Variants in ATG10 observed in about 807,000 individuals in gnomAD.
ATG10 encodes the protein ubiquitin-like-conjugating enzyme ATG10.
A neutral mutation model predicts 32.1 loss-of-function variants in ATG10; 30 were observed. The ratio of observed to expected loss-of-function variants is 0.94; its 90% CI spans 0.70 to 1.27. ATG10 has a LOEUF of 1.27. Ranked by LOEUF, ATG10 falls within the 50% of genes most tolerant of loss-of-function variation. The pLI is 0.00. For synonymous variants in ATG10, 87 were observed against 91.5 expected (o/e 0.95, Z 0.28); for missense variants, 233 against 262.3 (o/e 0.89, Z 0.77).
At chr5:81,989,120 C>T (rs1375775464) in intron 2 of ATG10, among the ~76,000 whole-genome samples, 1 of 152,254 alleles carries the variant, frequency 6.6e-6, no homozygotes, top group Non-Finnish European at 1.5e-5. Context: ...TGAGCCACCA[C>T]ACTTGGCCTC....
At chr5:82,183,375 G>A (rs1744306664) in intron 5 of ATG10, among the ~76,000 whole-genome samples, 1 of 150,398 alleles carries the variant, frequency 6.6e-6, no homozygotes, top group South Asian at 2.1e-4. Context: ...TGTTTGTTCT[G>A]TAGTGTTTTG....
At chr5:82,078,338 C>A (rs1237395684) in intron 3 of ATG10, 1 of 152,158 alleles carries the variant, frequency 6.6e-6, no homozygotes, top group Non-Finnish European at 1.5e-5. Context: ...AGCTATCAGA[C>A]AAAGGCACAA....
intron 3 of ATG10, among the ~76,000 whole-genome samples, chr5:82,086,533 C>T (rs770951677): frequency 6.6e-6 from 1 of 152,190 alleles, no homozygotes; most frequent in Non-Finnish European, 1.5e-5. Context: ...TAACTTTCTT[C>T]CAGCCAGTTT....
intron 3 of ATG10, among the ~76,000 whole-genome samples, chr5:82,087,719 G>A (rs569264063): frequency 6.6e-6 from 1 of 152,104 alleles, no homozygotes; most frequent in South Asian, 2.1e-4. Context: ...CCTTCCTCTG[G>A]CCCAGGGTGA....
chr5:82,135,773 T>G (rs1395263522), intron 3 of ATG10, among the ~76,000 whole-genome samples: 1 of 152,210 alleles, frequency 6.6e-6, no homozygotes, highest in African/African-American at 2.4e-5. Context: ...CTGAATATCC[T>G]TGTTAATTTT....
intron 5 of ATG10, among the ~76,000 whole-genome samples, chr5:82,243,850 G>A (rs1746906013): frequency 1.3e-5 from 2 of 152,066 alleles, no homozygotes. Flanking sequence ...TATACTTTAT[G>A]TATAGCCTTT....
intron 4 of ATG10, among the ~76,000 whole-genome samples, chr5:82,164,982 A>G (rs1743518858): frequency 6.6e-6 from 1 of 152,236 alleles, no homozygotes. Flanking sequence ...CTTAAGCTGT[A>G]TTTAAAAATA....
At chr5:82,004,632 A>G (rs1217993544) in intron 2 of ATG10, among the ~76,000 whole-genome samples, 1 of 152,202 alleles carries the variant, frequency 6.6e-6, no homozygotes, top group Non-Finnish European at 1.5e-5. Context: ...TATCCTATCC[A>G]GGCAGCAACC....
rs777861280 is a variant in ATG10 at position 82,142,182 on chromosome 5, T to C, written c.217-22217T>C. Among the ~76,000 whole-genome samples the C allele has an allele frequency of 1.4e-3, 212 of 152,180 alleles. 1 individual carries two copies. Among genetic ancestry groups the C allele is most frequent in the Non-Finnish European group, 2.5e-3 (168 of 68,026 alleles). On this transcript the variant is annotated intron_variant, in intron 3 of 7. Transcript: ENST00000282185. ...ATGCCAGGTGCCAGGTGTGGTGTTATAAACACTACAGACAGCTTGTTTCCT... is the reference window on the plus strand; with the variant it reads ...ATGCCAGGTGCCAGGTGTGGTGTTACAAACACTACAGACAGCTTGTTTCCT...
rs144925937 is a variant in ATG10, at chr5:82,092,809, C to T, written c.216+34207C>T. Reference sequence around the variant, plus strand: ...CCCTACCTCTTGAGCAGCAATATCACATTGCAAAGGGAATACAAACATGGT... The same window carrying T: ...CCCTACCTCTTGAGCAGCAATATCATATTGCAAAGGGAATACAAACATGGT... On this transcript the variant is annotated intron_variant, in intron 3 of 7. Transcript: ENST00000282185. 3.9e-3 allele frequency among the ~76,000 whole-genome samples: 594 copies of T among 152,304 alleles called. 7 individuals are homozygous for T. Among genetic ancestry groups the T allele is most frequent in the African/African-American group, 0.014 (562 of 41,570 alleles).
intron 4 of ATG10, among the ~76,000 whole-genome samples, chr5:82,166,253 A>G (rs1423036472): frequency 6.6e-6 from 1 of 152,202 alleles, no homozygotes; most frequent in Admixed American, 6.5e-5. Context: ...CTATTTGTAT[A>G]CTTTTACAAT....
intron 2 of ATG10, among the ~76,000 whole-genome samples, chr5:82,043,640 G>T (rs1333964411): frequency 6.6e-6 from 1 of 152,126 alleles, no homozygotes; most frequent in Non-Finnish European, 1.5e-5. Context: ...TATGAGCATA[G>T]AATTTTAGAA....
intron 2 of ATG10, among the ~76,000 whole-genome samples, chr5:82,050,078 C>T (rs1763361765): frequency 6.6e-6 from 1 of 152,092 alleles, no homozygotes; most frequent in South Asian, 2.1e-4. Flanking sequence ...TATTTATACA[C>T]ATTTATATAT....
intron 5 of ATG10, among the ~76,000 whole-genome samples, chr5:82,218,702 G>A (rs990893293): frequency 3.9e-5 from 6 of 152,008 alleles, no homozygotes; most frequent in South Asian, 2.1e-4. Context: ...CACCAAAATC[G>A]ATAAACATTA....
At chr5:82,061,388 T>C (rs914855624) in intron 3 of ATG10, among the ~76,000 whole-genome samples, 2 of 152,060 alleles carry the variant, frequency 1.3e-5, no homozygotes, top group African/African-American at 4.8e-5. Context: ...TTCTTACTCT[T>C]TCTCTTCAGG....
intron 2 of ATG10, among the ~76,000 whole-genome samples, chr5:82,033,627 C>G (rs1475738628): frequency 1.3e-5 from 2 of 151,924 alleles, no homozygotes; most frequent in African/African-American, 4.8e-5. Context: ...CTTCCAACAA[C>G]TAGACATTGG....
chr5:82,123,220 G>A (rs1168838581), intron 3 of ATG10, among the ~76,000 whole-genome samples: 1 of 152,172 alleles, frequency 6.6e-6, no homozygotes, highest in Admixed American at 6.5e-5. Flanking sequence ...GAACACAGAC[G>A]TAGCTGGATG....
intron 2 of ATG10, among the ~76,000 whole-genome samples, chr5:82,046,986 T>G (rs944675940): frequency 2.8e-4 from 42 of 152,080 alleles, no homozygotes; most frequent in Admixed American, 2.6e-3. Context: ...TCTGTGTTTT[T>G]TTTTTTTTTT....
chr5:82,208,071 T>G (rs965302368), intron 5 of ATG10, among the ~76,000 whole-genome samples: 1 of 152,362 alleles, frequency 6.6e-6, no homozygotes, highest in South Asian at 2.1e-4. Flanking sequence ...GCACTATTTA[T>G]GAAAAAGATT....
Sources: gnomAD v4.1 joint callset for allele counts (sites outside exome capture counted in the v4.1 genomes callset) on GRCh38, gnomAD v4.1.1 for gene constraint, MANE v1.5 for transcripts, NCBI Gene and HGNC (gene_info 2026-07-23, HGNC 2026-07-21) for gene names.